LENG8: variants seen among roughly 807,000 people sequenced by gnomAD.
LENG8 encodes the protein leukocyte receptor cluster (LRC) member 8.
Under a neutral mutation model 102.1 loss-of-function variants are expected in LENG8, and 28 were observed. The ratio of observed to expected loss-of-function variants is 0.27; its 90% CI spans 0.20 to 0.38. The LOEUF is 0.38. Among genes scored for constraint, LENG8 ranks in the 10% least tolerant of loss-of-function variants. The pLI is 1.00. For missense variants in LENG8, 1,022 were observed against 1,113.9 expected, an observed-to-expected ratio of 0.92 and a Z score of 1.17; for synonymous variants, 531 against 456.7, an observed-to-expected ratio of 1.16 and a Z score of -2.07.
chr19:54,456,556 G>T, intron 10 of LENG8, 80 bp from the exon 11 acceptor site: 1 of 1,538,088 alleles, frequency 6.5e-7, no homozygotes, highest in Non-Finnish European at 8.7e-7. Context: ...CGGACAGGTG[G>T]ACAGCCAGCT....
chr19:54,457,634 C>T (rs1253775754), intron 11 of LENG8, 113 bp from the exon 12 acceptor site: 5 of 789,458 alleles, frequency 6.3e-6, no homozygotes, highest in African/African-American at 1.7e-5. Context: ...AGCCACTGCG[C>T]CTGGCCTTTT....
intron 11 of LENG8, 35 bp downstream of exon 11, chr19:54,456,956 G>A (rs772044409): frequency 1.3e-6 from 2 of 1,560,208 alleles, no homozygotes; most frequent in Non-Finnish European, 1.7e-6. Flanking sequence ...GCTCTGTGAG[G>A]CCGTGCTGGC....
Position 54,458,326 on chromosome 19 carries a change from A to T in LENG8, c.2045A>T (p.Glu682Val), listed in dbSNP as rs749312607. ...GTCTTGGTGCTAGACATCACCACGG[A>T]GCTGGCATACCTCACACGAGAACTG... ...FTKNSGDITT[E>V]LAYLTRELKA... Residue 682 changes from glutamate (E) to valine (V), a missense_variant, in exon 15 of 16, where the codon GAG becomes GTG. This residue lies in a region of LENG8 where 158 missense variants were observed against 229.0 expected (regional missense o/e 0.69). Transcript: ENST00000326764. 1.2e-6 allele frequency: 2 copies of T among 1,613,784 alleles called. No individual in the cohort carries two copies. The highest frequency in any genetic ancestry group is 1.7e-6 in the Non-Finnish European group (2 of 1,179,874).
chr19:54,457,925 C>T lies in LENG8; in HGVS notation c.1834-9C>T, dbSNP rs1269549441. ...CCTTGTGACTCTTGTTCTCGCCCCG[C>T]TGCCCCAGGTGCAGGGCATCCGCAC... On this transcript the variant is annotated splice_polypyrimidine_tract_variant and intron_variant, in intron 12 of 15. Coordinates refer to ENST00000326764, the MANE Select transcript of LENG8 (RefSeq NM_052925.4). 3.7e-6 allele frequency: 6 copies of T among 1,613,976 alleles called. No individual in the cohort carries two copies. Among genetic ancestry groups the T allele is most frequent in the Non-Finnish European group, 5.1e-6 (6 of 1,180,008 alleles).
intron 11 of LENG8, 81 bp from the exon 12 acceptor site, chr19:54,457,666 A>G (rs1465648921): frequency 2.0e-6 from 2 of 992,390 alleles, no homozygotes; most frequent in South Asian, 1.3e-5. Context: ...TAATGTTGCA[A>G]CTCTCCCACC....
At chr19:54,449,547 T>TTC (rs1226263437) in intron 1 of LENG8, 6 of 151,790 alleles carry the variant, frequency 4.0e-5, no homozygotes, top group African/African-American at 1.2e-4. Flanking sequence ...TCCCTTGGAG[T>TTC]TCTCGGGGCC....
intron 2 of LENG8, 55 bp from the exon 3 acceptor site, chr19:54,452,038 C>T (rs1851745499): frequency 1.3e-6 from 2 of 1,528,686 alleles, no homozygotes; most frequent in African/African-American, 1.4e-5. Context: ...CCCAACTTGC[C>T]CACCTGTGTA....
In LENG8 at chr19:54,461,918, T is replaced by TCC; in HGVS notation, c.*991_*992dup. On this transcript the variant is annotated 3_prime_UTR_variant, in exon 16 of 16. Coordinates refer to ENST00000326764, the MANE Select transcript of LENG8 (RefSeq NM_052925.4). ...GTTCCTCCTCTGCCTCCCCTTCCCC[T>TCC]CCTCTCCCCTCCTTTTCCTTCCTTC... 1.2e-6 allele frequency: 1 copy of TCC among 808,194 alleles called. No homozygotes were observed. The highest frequency in any genetic ancestry group is 2.4e-4 in the Middle Eastern group (1 of 4,216). 50.1% of individuals were successfully genotyped at this position (808,194 alleles called of 1,614,324 possible).
At chr19:54,458,953 A>G (rs1475088733) in intron 15 of LENG8, 3 of 1,489,820 alleles carry the variant, frequency 2.0e-6, no homozygotes, top group Non-Finnish European at 2.7e-6. Context: ...GCCCAGTCCC[A>G]CTCAGCTCCT....
At chr19:54,452,289 G>C (rs2083997549) in intron 3 of LENG8, 22 bp downstream of exon 3, 1 of 1,582,726 alleles carries the variant, frequency 6.3e-7, no homozygotes, top group African/African-American at 1.4e-5. Context: ...TCATGGGGCT[G>C]GGGTACCCTG....
At chr19:54,453,390 T>G (rs2084050585) in intron 4 of LENG8, among the ~76,000 whole-genome samples, 156 bp from the exon 5 acceptor site, 1 of 152,162 alleles carries the variant, frequency 6.6e-6, no homozygotes, top group Admixed American at 6.6e-5. Flanking sequence ...GGTTTTTCTT[T>G]TCCTAATATA....
rs1325030379 is a variant in LENG8 at position 54,461,353 on chromosome 19, C to A, written c.*425C>A. On this transcript the variant is annotated 3_prime_UTR_variant, in exon 16 of 16. Coordinates refer to ENST00000326764, the MANE Select transcript of LENG8 (RefSeq NM_052925.4). ...CCCGTGCCCGCCTGCGGCGGGGGCA[C>A]CCAGCAAGCCCGCCCACCGCCCGCT... 2 of 457,660 alleles carry A rather than the reference C, an allele frequency of 4.4e-6. No homozygotes were observed. Among genetic ancestry groups the A allele is most frequent in the African/African-American group, 4.0e-5 (2 of 50,192 alleles). 28.3% of individuals were successfully genotyped at this position (457,660 alleles called of 1,614,324 possible).
chr19:54,453,035 G>T (rs777754659), intron 4 of LENG8, among the ~76,000 whole-genome samples: 1 of 152,172 alleles, frequency 6.6e-6, no homozygotes. Flanking sequence ...CGCCAGGCCC[G>T]CTCTCGCTTT....
chr19:54,456,946 G>C, intron 11 of LENG8, 25 bp downstream of exon 11: 1 of 1,579,518 alleles, frequency 6.3e-7, no homozygotes, highest in Non-Finnish European at 8.6e-7. Context: ...GGGCAGTTCT[G>C]CTCTGTGAGG....
At chr19:54,457,353 T>G (rs893459514) in intron 11 of LENG8, among the ~76,000 whole-genome samples, 2 of 152,200 alleles carry the variant, frequency 1.3e-5, no homozygotes, top group African/African-American at 4.8e-5. Flanking sequence ...TGTTTTCTCT[T>G]TTTTTGGGAG....
Position 54,461,029 on chromosome 19 carries a change from G to T in LENG8, c.*101G>T. ...GGACTTGGGTTGTAAATTTATTTGT[G>T]GGGAGTGCGCTCCAGGAAGAGCCAC... On this transcript the variant is annotated 3_prime_UTR_variant, in exon 16 of 16. Coordinates refer to ENST00000326764, the MANE Select transcript of LENG8 (RefSeq NM_052925.4). 6.6e-7 allele frequency: 1 copy of T among 1,507,886 alleles called. No individual in the cohort carries two copies. Among genetic ancestry groups the T allele is most frequent in the Middle Eastern group, 2.0e-4 (1 of 5,106 alleles). 93.4% of individuals were successfully genotyped at this position (1,507,886 alleles called of 1,614,324 possible).
intron 2 of LENG8, among the ~76,000 whole-genome samples, 182 bp downstream of exon 2, chr19:54,451,564 A>G (rs2083961641): frequency 1.3e-5 from 2 of 152,180 alleles, no homozygotes; most frequent in African/African-American, 4.8e-5. Context: ...GAGAGGGGCA[A>G]GCTTTCACCT....
chr19:54,461,091 C>A lies in LENG8; in HGVS notation c.*163C>A. ...CCGTTTTCCCACCGGGGAGTCTGTA[C>A]AGAGATTTTTCTACGTTTTTATTTT... is the stretch of plus-strand genomic sequence containing the variant. On this transcript the variant is annotated 3_prime_UTR_variant, in exon 16 of 16. Transcript: ENST00000326764. 9.2e-7 allele frequency: 1 copy of A among 1,082,058 alleles called. No individual in the cohort carries two copies. The highest frequency in any genetic ancestry group is 1.3e-6 in the Non-Finnish European group (1 of 742,864). 67.0% of individuals were successfully genotyped at this position (1,082,058 alleles called of 1,614,324 possible).
rs150159123 is a variant in LENG8, at chr19:54,458,568, C to T, written c.2240+47C>T. The T allele has an allele frequency of 1.6e-3, 2,651 of 1,610,262 alleles. 27 individuals carry two copies. In the African/African-American group the frequency reaches 0.031, roughly 19 times the overall value. On this transcript the variant is annotated intron_variant, in intron 15 of 15. Coordinates refer to ENST00000326764, the MANE Select transcript of LENG8 (RefSeq NM_052925.4). The stretch of plus-strand genomic sequence containing the variant: ...TCTGCCTTTGCTCTTCCCATCCTTC[C>T]GCCTCGCACCGCCCCTCAGACCAGC...
Sources: gnomAD v4.1 joint callset for allele counts (sites outside exome capture counted in the v4.1 genomes callset) on GRCh38, gnomAD v4.1.1 for gene constraint, gnomAD v4.1.1 regional missense constraint, MANE v1.5 for transcripts, NCBI Gene and HGNC (gene_info 2026-07-23, HGNC 2026-07-21) for gene names.